TMEM25: variants seen among roughly 807,000 people sequenced by gnomAD.
TMEM25 encodes the protein 0610039J01Rik.
In TMEM25, 36 loss-of-function variants were observed where a neutral mutation model predicts 37.0. The ratio of observed to expected loss-of-function variants is 0.97; its 90% CI spans 0.75 to 1.28. The LOEUF is 1.28. TMEM25 is among the 50% of genes most tolerant of loss of function. The probability of loss-of-function intolerance (pLI) is 0.00; values close to 1 mark genes in which losing one functional copy is unlikely to be tolerated. For synonymous variants in TMEM25, 197 were observed against 203.7 expected (o/e 0.97, Z 0.28); for missense variants, 444 against 477.9 (o/e 0.93, Z 0.66).
chr11:118,533,285 C>T (rs1476147978), intron 4 of TMEM25, 78 bp downstream of exon 4: 3 of 1,559,824 alleles, frequency 1.9e-6, no homozygotes, highest in Non-Finnish European at 2.6e-6. Flanking sequence ...AATGGGAATA[C>T]TTGTTGCCCT....
chr11:118,543,068 CA>C (rs1386310106), intron 8 of TMEM25, among the ~76,000 whole-genome samples: 1 of 151,796 alleles, frequency 6.6e-6, no homozygotes, highest in Non-Finnish European at 1.5e-5. Flanking sequence ...GGTGAAACTC[CA>C]TCTCTACTGA....
At position 118,532,224 on chromosome 11, in the gene TMEM25, G is replaced by A. The variant is rs782188288; in HGVS notation, c.145G>A (p.Ala49Thr). ...ERALRENERH[A>T]FTCRVAGGPG... ...GGCACTTCGGGAGAATGAACGCCAC[G>A]CCTTCACCTGCCGGGTGGCAGGGGG... The change falls in exon 3 of 9, where the codon GCC becomes ACC. Residue 49 changes from alanine (A) to threonine (T), a missense_variant. Physicochemically the swap from Ala to Thr is moderately conservative, Grantham distance 58. Coordinates refer to ENST00000313236, the MANE Select transcript of TMEM25 (RefSeq NM_032780.4). 66 of 1,612,608 alleles carry A rather than the reference G, an allele frequency of 4.1e-5. 1 individual carries two copies. In the East Asian group the frequency reaches 9.1e-4, roughly 22 times the overall value.
rs1288791719 is a variant in TMEM25 at position 118,534,206 on chromosome 11, A to T, written c.938-60A>T. ...TGAGAAAAAGAACTTGGTGCTTGGGAGGGGCGAGGCCTCATCAGGCACACT... is the reference window on the plus strand; with the variant it reads ...TGAGAAAAAGAACTTGGTGCTTGGGTGGGGCGAGGCCTCATCAGGCACACT... On this transcript the variant is annotated intron_variant, in intron 7 of 8. Transcript: ENST00000313236. The surrounding 1 kb of genome is among the most constrained non-coding windows in gnomAD (Gnocchi z 4.6). 1 of 1,613,194 alleles carries T rather than the reference A, an allele frequency of 6.2e-7. No individual in the cohort carries two copies. The highest frequency in any genetic ancestry group is 1.3e-5 in the African/African-American group (1 of 75,000).
At position 118,533,478 on chromosome 11, in the gene TMEM25, T is replaced by C; in HGVS notation, c.732T>C (p.Leu244=). The C allele has an allele frequency of 6.2e-7, 1 of 1,614,212 alleles. No homozygotes were observed. Among genetic ancestry groups the C allele is most frequent in the Non-Finnish European group, 8.5e-7 (1 of 1,180,026 alleles). Reference sequence around the variant, plus strand: ...TGGGCATTGTTGTGGCTGCTGGGCTTGCACTGGGCACCCTCGTGGGGTTCA... The same window carrying C: ...TGGGCATTGTTGTGGCTGCTGGGCTCGCACTGGGCACCCTCGTGGGGTTCA... ...PLLGIVVAAG[L]ALGTLVGFST... is the part of the protein sequence containing the mutation. The change falls in exon 5 of 9, where the codon CTT becomes CTC. Residue 244 remains leucine (L), a synonymous_variant. Coordinates refer to ENST00000313236, the MANE Select transcript of TMEM25 (RefSeq NM_032780.4).
rs781949324 is a variant in TMEM25 at position 118,532,965 on chromosome 11, G to T, written c.431G>T (p.Gly144Val). The change falls in exon 4 of 9, where the codon GGC becomes GTC. Residue 144 changes from glycine to valine, a missense_variant. Physicochemically the swap from Gly to Val is moderately radical, Grantham distance 109 (BLOSUM62 -3). Transcript: ENST00000313236. ...QVGAKYQEAQ[G>V]PGLLVVLFAL... ...GGCGCCAAGTACCAGGAAGCTCAGGGCCCAGGCCTCCTGGTTGTCCTGTTT... is the reference window on the plus strand; with the variant it reads ...GGCGCCAAGTACCAGGAAGCTCAGGTCCCAGGCCTCCTGGTTGTCCTGTTT... 11 of 1,614,224 alleles carry T rather than the reference G, an allele frequency of 6.8e-6. No homozygotes were observed. In the South Asian group the frequency reaches 7.7e-5, roughly 11 times the overall value.
At position 118,533,456 on chromosome 11, in the gene TMEM25, G is replaced by A. The variant is rs781907440; in HGVS notation, c.710G>A (p.Gly237Asp). The change falls in exon 5 of 9, where the codon GGC becomes GAC. Residue 237 changes from glycine (G) to aspartate (D), a missense_variant. Gly to Asp is a moderately conservative substitution (Grantham distance 94, BLOSUM62 -1). Coordinates refer to ENST00000313236, the MANE Select transcript of TMEM25 (RefSeq NM_032780.4). The stretch of plus-strand genomic sequence containing the variant: ...ACCCGGGTGGAAGTGCCACTGCTGG[G>A]CATTGTTGTGGCTGCTGGGCTTGCA... ...LATRVEVPLL[G>D]IVVAAGLALG... 6.2e-6 allele frequency: 10 copies of A among 1,614,054 alleles called. No homozygotes were observed. Among genetic ancestry groups the A allele is most frequent in the Non-Finnish European group, 6.8e-6 (8 of 1,180,034 alleles).
intron 3 of TMEM25, chr11:118,532,702 A>G: frequency 1.3e-6 from 1 of 785,060 alleles, no homozygotes; most frequent in South Asian, 1.9e-5. Context: ...GCTGGTAAGA[A>G]GCAGAGCCAG....
At position 118,544,949 on chromosome 11, in the gene TMEM25, T is replaced by G. The variant is rs562165126; in HGVS notation, c.1028-1170T>G. 26 of 1,613,908 alleles carry G rather than the reference T, an allele frequency of 1.6e-5. No individual in the cohort carries two copies. In the South Asian group the frequency reaches 2.7e-4, roughly 17 times the overall value. ...AGGTTAATGTCTCCATGTCTCCAGC[T>G]TGGGAGGTGGAATTGGATGAAGGAG... On this transcript the variant is annotated intron_variant, in intron 8 of 8. Transcript: ENST00000354284.
chr11:118,546,070 C>T lies in TMEM25; in HGVS notation c.1028-49C>T, dbSNP rs1555067061. On this transcript the variant is annotated intron_variant, in intron 8 of 8. Transcript: ENST00000354284. Reference sequence around the variant, plus strand: ...CTTTAAAGAGATAATTAAATTAAAACAAGGTCATTAGGGTGGGCCTTAATC... The same window carrying T: ...CTTTAAAGAGATAATTAAATTAAAATAAGGTCATTAGGGTGGGCCTTAATC... 6 of 713,964 alleles carry T rather than the reference C, an allele frequency of 8.4e-6. No homozygotes were observed. The Admixed American group carries it at 1.2e-4, about 15-fold the overall frequency. The allele number at this position is 713,964 out of a possible 1,614,324, so 44.2% of individuals were successfully genotyped here. A position where few individuals can be genotyped will look rare whatever the true frequency, so the allele number is the denominator to read the frequency against.
At chr11:118,539,600 T>G (rs1398439848), downstream of TMEM25, among the ~76,000 whole-genome samples, 1 of 152,130 alleles carries the variant, frequency 6.6e-6, no homozygotes, top group Non-Finnish European at 1.5e-5. Flanking sequence ...CCATGAGAGA[T>G]AGGGGGTCCA....
chr11:118,536,891 G>A (rs1449952254), downstream of TMEM25, among the ~76,000 whole-genome samples: 4 of 152,116 alleles, frequency 2.6e-5, no homozygotes, highest in Admixed American at 2.0e-4. Context: ...AAGAGAGCAC[G>A]TGTGTGTGTG....
chr11:118,541,461 C>CAAAAAAA (rs1216078404), intron 8 of TMEM25, among the ~76,000 whole-genome samples: 3 of 32,878 alleles, frequency 9.1e-5, no homozygotes, highest in African/African-American at 3.1e-4. Flanking sequence ...GACCCTGTCT[C>CAAAAAAA]AAAAAAAAAA....
chr11:118,531,764 C>G lies in TMEM25; in HGVS notation c.-27-11C>G. On this transcript the variant is annotated splice_polypyrimidine_tract_variant and intron_variant, in intron 1 of 8. Coordinates refer to ENST00000313236, the MANE Select transcript of TMEM25 (RefSeq NM_032780.4). ...TGTCACCTGGCTGACAGGCCCGCCCCCTTCTCTCAGCAGCCTAGGGCCTAG... is the reference window on the plus strand; with the variant it reads ...TGTCACCTGGCTGACAGGCCCGCCCGCTTCTCTCAGCAGCCTAGGGCCTAG... The G allele has an allele frequency of 2.0e-6, 3 of 1,533,320 alleles. No homozygotes were observed. The highest frequency in any genetic ancestry group is 1.4e-5 in the African/African-American group (1 of 72,604). The allele number at this position is 1,533,320 out of a possible 1,614,324, so 95.0% of individuals were successfully genotyped here.
At chr11:118,538,319 G>A (rs923447594), downstream of TMEM25, among the ~76,000 whole-genome samples, 4 of 144,442 alleles carry the variant, frequency 2.8e-5, no homozygotes, top group African/African-American at 7.7e-5. Flanking sequence ...CTACAGGCGT[G>A]CACCACGCCT....
At chr11:118,539,164 A>ATTTTT (rs1160816224), downstream of TMEM25, among the ~76,000 whole-genome samples, 46 of 100,566 alleles carry the variant, frequency 4.6e-4, 2 homozygotes, top group East Asian at 9.7e-4. Context: ...TTGGTCATAA[A>ATTTTT]TTTTTTTTTT....
In TMEM25 at chr11:118,534,378, C is replaced by T; in HGVS notation, c.1027+23C>T. 1 of 1,612,720 alleles carries T rather than the reference C, an allele frequency of 6.2e-7. No homozygotes were observed. Among genetic ancestry groups the T allele is most frequent in the Non-Finnish European group, 8.5e-7 (1 of 1,179,454 alleles). On this transcript the variant is annotated intron_variant, in intron 8 of 8. Transcript: ENST00000313236. This position sits in a 1 kb window ranked among gnomAD's most constrained non-coding sequence, Gnocchi z 4.6. The stretch of plus-strand genomic sequence containing the variant: ...AAGGTACTGGGGAAGGGGCCTGCCA[C>T]CCTCCTCCTCTGCCCCCCAGCCCTG...
chr11:118,545,533 A>C, intron 8 of TMEM25: 1 of 1,534,922 alleles, frequency 6.5e-7, no homozygotes, highest in East Asian at 2.2e-5. Context: ...GAAGCAAACA[A>C]ACTCCGGGAA....
downstream of TMEM25, among the ~76,000 whole-genome samples, chr11:118,538,621 G>A (rs1252508759): frequency 6.6e-6 from 1 of 152,044 alleles, no homozygotes; most frequent in African/African-American, 2.4e-5. Context: ...GGCCAGGCAT[G>A]GTGGTTCACA....
chr11:118,533,203 C>T lies in TMEM25; in HGVS notation c.669C>T (p.Ala223=), dbSNP rs1448349577. The part of the protein sequence containing the change: ...DVGVTSASLP[A]PGLLATRVEV... ...GTGTCACCAGTGCGTCGCTTCCAGC[C>T]CCAGGTGAGCATGGCCAGCAAGCGG... Residue 223 remains alanine (A), a synonymous_variant, in exon 4 of 9, where the codon GCC becomes GCT. Coordinates refer to ENST00000313236, the MANE Select transcript of TMEM25 (RefSeq NM_032780.4). The T allele has an allele frequency of 3.1e-6, 5 of 1,590,126 alleles. No homozygotes were observed. The highest frequency in any genetic ancestry group is 2.2e-5 in the East Asian group (1 of 44,680).
Sources: allele counts gnomAD v4.1 joint callset (sites outside exome capture counted in the v4.1 genomes callset), GRCh38; gene constraint gnomAD v4.1.1; non-coding constraint Gnocchi (gnomAD v3.1); transcripts MANE v1.5; gene names NCBI Gene and HGNC (gene_info 2026-07-23, HGNC 2026-07-21).